XKR6: variants seen among roughly 807,000 people sequenced by gnomAD.
XKR6 encodes the protein XK related 6.
XKR6 carries 22 observed loss-of-function variants against 56.7 expected under a neutral mutation model. The ratio of observed to expected loss-of-function variants is 0.39; its 90% CI spans 0.28 to 0.55. XKR6 has a LOEUF of 0.55. Among genes scored for constraint, XKR6 ranks in the 20% least tolerant of loss-of-function variants. XKR6 has a pLI of 0.66. For missense variants in XKR6, 852 were observed against 889.0 expected, an observed-to-expected ratio of 0.96 and a Z score of 0.53; for synonymous variants, 524 against 387.8, an observed-to-expected ratio of 1.35 and a Z score of -4.13.
At chr8:10,978,867 C>T (rs1373226141) in intron 1 of XKR6, among the ~76,000 whole-genome samples, 1 of 152,206 alleles carries the variant, frequency 6.6e-6, no homozygotes, top group Admixed American at 6.5e-5. Context: ...GTGGGCAGGG[C>T]CACATTGCTT....
intron 1 of XKR6, among the ~76,000 whole-genome samples, chr8:11,113,170 C>G (rs935961634): frequency 6.6e-6 from 1 of 152,154 alleles, no homozygotes; most frequent in Non-Finnish European, 1.5e-5. Context: ...GTTATTAATG[C>G]TGTTACATGT....
chr8:11,201,091 G>T lies in XKR6; in HGVS notation c.249C>A (p.Arg83=), dbSNP rs781313482. 4.3e-6 allele frequency: 6 copies of T among 1,402,578 alleles called. No homozygotes were observed. The African/African-American group carries it at 9.0e-5, about 21-fold the overall frequency. The allele number at this position is 1,402,578 out of a possible 1,614,324, so 86.9% of individuals were successfully genotyped here. A position where few individuals can be genotyped will look rare whatever the true frequency, so the allele number is the denominator to read the frequency against. Reference sequence around the variant, plus strand: ...CCCCCCCGTCGGCGGCGGCGCTGCGGCGCGGCTTCCTGCCCAGGAGGGAGC... The same window carrying T: ...CCCCCCCGTCGGCGGCGGCGCTGCGTCGCGGCTTCCTGCCCAGGAGGGAGC... ...CLRSLLGRKP[R]RSAAADGGDQ... is the part of the protein sequence containing the mutation. The change falls in exon 1 of 3, where the codon CGC becomes CGA. Residue 83 remains arginine (R), a synonymous_variant. Coordinates refer to ENST00000416569, the MANE Select transcript of XKR6 (RefSeq NM_173683.4).
chr8:10,912,603 G>A lies in XKR6; in HGVS notation c.961+12031C>T, dbSNP rs1420015019. ...GTGTGCATATATATATGTAGAGAGA[G>A]AGAAAGAGGGTGTGTGAGTATATAT... On this transcript the variant is annotated intron_variant, in intron 2 of 2. Coordinates refer to ENST00000416569, the MANE Select transcript of XKR6 (RefSeq NM_173683.4). Among the ~76,000 whole-genome samples the A allele has an allele frequency of 8.9e-5, 13 of 146,422 alleles. No homozygotes were observed. The Admixed American group carries it at 8.9e-4, about 10-fold the overall frequency.
chr8:10,993,710 C>T (rs1798045710), intron 1 of XKR6, among the ~76,000 whole-genome samples: 1 of 152,166 alleles, frequency 6.6e-6, no homozygotes, highest in Non-Finnish European at 1.5e-5. Context: ...AGCAACATGC[C>T]CCCAGCCCAC....
intron 1 of XKR6, among the ~76,000 whole-genome samples, chr8:11,161,408 G>A (rs948923058): frequency 2.6e-5 from 4 of 152,094 alleles, no homozygotes; most frequent in Non-Finnish European, 5.9e-5. Flanking sequence ...CCCGTCTAGT[G>A]CCTTTGCTCA....
intron 1 of XKR6, among the ~76,000 whole-genome samples, chr8:11,002,636 G>C (rs554949273): frequency 6.6e-6 from 1 of 152,372 alleles, no homozygotes; most frequent in East Asian, 1.9e-4. Context: ...GGGGGACACA[G>C]ACGTGACAAG....
rs186557453 is a variant in XKR6 at position 10,968,826 on chromosome 8, A to G, written c.765-43996T>C. Among the ~76,000 whole-genome samples, 33 of 152,386 alleles carry G rather than the reference A, an allele frequency of 2.2e-4. No homozygotes were observed. The East Asian group carries it at 5.4e-3, about 25-fold the overall frequency. On this transcript the variant is annotated intron_variant, in intron 1 of 2. Coordinates refer to ENST00000416569, the MANE Select transcript of XKR6 (RefSeq NM_173683.4). ...AGATTTCTGGGCACAGGGCTCGGGC[A>G]GTCCAGGGGCTCTGGGACTGGGGAG...
At chr8:11,196,756 C>A (rs1803912479) in intron 1 of XKR6, among the ~76,000 whole-genome samples, 1 of 152,242 alleles carries the variant, frequency 6.6e-6, no homozygotes. Flanking sequence ...AGGGAGTCTT[C>A]TTCAGCAGGT....
intron 1 of XKR6, among the ~76,000 whole-genome samples, chr8:11,096,382 A>C (rs1798262775): frequency 6.6e-6 from 1 of 152,258 alleles, no homozygotes; most frequent in Non-Finnish European, 1.5e-5. Context: ...AAATAGTTTT[A>C]CACGGAAGAG....
chr8:10,928,781 C>T (rs1009041894), intron 1 of XKR6, among the ~76,000 whole-genome samples: 5 of 152,190 alleles, frequency 3.3e-5, no homozygotes, highest in African/African-American at 1.2e-4. Context: ...AAGCCCCCTC[C>T]TTCTCCACCT....
chr8:10,947,782 G>T (rs961265054), intron 1 of XKR6, among the ~76,000 whole-genome samples: 2 of 152,206 alleles, frequency 1.3e-5, no homozygotes, highest in African/African-American at 4.8e-5. Flanking sequence ...GGGAACTGTG[G>T]ATCCCTTTGC....
At chr8:10,981,061 A>G (rs1347157192) in intron 1 of XKR6, among the ~76,000 whole-genome samples, 1 of 151,950 alleles carries the variant, frequency 6.6e-6, no homozygotes, top group Non-Finnish European at 1.5e-5. Context: ...GCTTTTTCCC[A>G]TTTTAAATTC....
Position 11,097,807 on chromosome 8 carries a change from C to CAAAAAAA in XKR6, c.764+102762_764+102768dup, listed in dbSNP as rs1196874380. On this transcript the variant is annotated intron_variant, in intron 1 of 2. Transcript: ENST00000416569. The stretch of plus-strand genomic sequence containing the variant: ...GGGGGACAAGAGCTAGACTCCATCT[C>CAAAAAAA]AAAAAAAAAAAAAAAAAAAAATTAT... Among the ~76,000 whole-genome samples the CAAAAAAA allele has an allele frequency of 1.7e-3, 105 of 62,932 alleles. 4 individuals are homozygous for CAAAAAAA. The highest frequency in any genetic ancestry group is 5.5e-3 in the African/African-American group (94 of 17,070). 41.3% of individuals were successfully genotyped at this position (62,932 alleles called of 152,430 possible).
Position 10,924,664 on chromosome 8 carries a change from G to T in XKR6, c.931C>A (p.Leu311Ile), listed in dbSNP as rs1389373499. 3.1e-6 allele frequency: 5 copies of T among 1,611,320 alleles called. No homozygotes were observed. The highest frequency in any genetic ancestry group is 2.2e-5 in the East Asian group (1 of 44,844). The change falls in exon 2 of 3, where the codon CTC becomes ATC. Residue 311 changes from leucine (L) to isoleucine (I), a missense_variant. By Grantham distance (5) the Leu-to-Ile change is conservative. Transcript: ENST00000416569. ...PQLVLQLYIM[L>I]QKNSAETLPC... The stretch of plus-strand genomic sequence containing the variant: ...AGGGTCTCGGCGCTGTTCTTCTGGA[G>T]CATGATGTAGAGCTGTAGCACCAGT...
intron 1 of XKR6, among the ~76,000 whole-genome samples, chr8:11,093,596 T>G (rs1252348146): frequency 6.6e-6 from 1 of 152,230 alleles, no homozygotes; most frequent in Admixed American, 6.5e-5. Flanking sequence ...CTTGAAATTC[T>G]CTAAGATGCC....
intron 2 of XKR6, among the ~76,000 whole-genome samples, chr8:10,899,499 C>G (rs1178960610): frequency 1.3e-5 from 2 of 152,220 alleles, no homozygotes; most frequent in African/African-American, 4.8e-5. Context: ...GACCTGCCAC[C>G]CAAGGCCAAC....
At chr8:10,956,490 G>T (rs772154200) in intron 1 of XKR6, among the ~76,000 whole-genome samples, 6 of 152,194 alleles carry the variant, frequency 3.9e-5, no homozygotes, top group African/African-American at 1.4e-4. Flanking sequence ...GGCTGGAGAG[G>T]ATGAAGGGCC....
intron 1 of XKR6, among the ~76,000 whole-genome samples, chr8:11,089,913 T>C (rs1295870536): frequency 2.0e-5 from 3 of 152,224 alleles, no homozygotes; most frequent in African/African-American, 4.8e-5. Flanking sequence ...CACATAAACA[T>C]ATATAATAGT....
At chr8:10,984,732 C>CTCTCTCTCTCTCTCTCTATATA in intron 1 of XKR6, among the ~76,000 whole-genome samples, 23 of 47,484 alleles carry the variant, frequency 4.8e-4, no homozygotes, top group Non-Finnish European at 7.6e-4. Context: ...CTCTCTCTCT[C>CTCTCTCTCTCTCTCTCTATATA]TATATATATA....
Sources: allele counts gnomAD v4.1 joint callset (sites outside exome capture counted in the v4.1 genomes callset), GRCh38; gene constraint gnomAD v4.1.1; transcripts MANE v1.5; gene names NCBI Gene and HGNC (gene_info 2026-07-23, HGNC 2026-07-21).